RBFOX1: variants seen among roughly 807,000 people sequenced by gnomAD.
The protein encoded by RBFOX1 is RNA binding fox-1 homolog 1.
A neutral mutation model predicts 57.7 loss-of-function variants in RBFOX1; 8 were observed. The observed-to-expected ratio is 0.14, with a 90% CI of 0.08 to 0.25. The LOEUF is 0.25. Among genes scored for constraint, RBFOX1 ranks in the 10% least tolerant of loss-of-function variants. RBFOX1 has a pLI of 1.00. For synonymous variants in RBFOX1, 326 were observed against 222.4 expected (o/e 1.47, Z -4.15); for missense variants, 611 against 548.5 (o/e 1.11, Z -1.14).
intron 2 of RBFOX1, among the ~76,000 whole-genome samples, chr16:6,642,201 T>A (rs1014902248): frequency 6.6e-6 from 1 of 152,172 alleles, no homozygotes; most frequent in African/African-American, 2.4e-5. Flanking sequence ...CGGTGCTGTA[T>A]TTTTCAGCAC....
At chr16:5,364,439 A>G (rs570884100) in intron 1 of RBFOX1, among the ~76,000 whole-genome samples, 1 of 152,328 alleles carries the variant, frequency 6.6e-6, no homozygotes, top group East Asian at 1.9e-4. Context: ...TCCGGTTCCA[A>G]TTACAGGCTG....
At chr16:5,503,341 C>T (rs947511753) in intron 2 of RBFOX1, among the ~76,000 whole-genome samples, 3 of 152,262 alleles carry the variant, frequency 2.0e-5, no homozygotes, top group Non-Finnish European at 4.4e-5. Context: ...GAATCTCCCT[C>T]ACCCCTCTTC....
At position 6,956,416 on chromosome 16, in the gene RBFOX1, G is replaced by A. The variant is rs115613263; in HGVS notation, c.-15-95641G>A. ...AATGAGCAGGCTCCGCTGTCTTCCA[G>A]TGAATACTTGAATTTGTCAAGAGTA... On this transcript the variant is annotated intron_variant, in intron 3 of 15. Coordinates refer to ENST00000550418, the MANE Select transcript of RBFOX1 (RefSeq NM_018723.4). 6.6e-3 allele frequency among the ~76,000 whole-genome samples: 1,003 copies of A among 152,304 alleles called. 18 individuals are homozygous for A. The highest frequency in any genetic ancestry group is 0.023 in the African/African-American group (965 of 41,538).
intron 3 of RBFOX1, among the ~76,000 whole-genome samples, chr16:6,711,768 C>G (rs990836624): frequency 6.6e-6 from 1 of 152,254 alleles, no homozygotes; most frequent in Non-Finnish European, 1.5e-5. Context: ...TCACCACTCT[C>G]ATTCTAGACT....
chr16:5,518,161 C>A (rs543853811), intron 2 of RBFOX1, among the ~76,000 whole-genome samples: 4 of 152,242 alleles, frequency 2.6e-5, no homozygotes, highest in South Asian at 2.1e-4. Context: ...ACCTAAAAAA[C>A]CAATAAAATC....
intron 2 of RBFOX1, among the ~76,000 whole-genome samples, chr16:6,533,393 C>T (rs1459029067): frequency 6.6e-6 from 1 of 152,156 alleles, no homozygotes; most frequent in Non-Finnish European, 1.5e-5. Flanking sequence ...TAGAAACTCC[C>T]TGCTAAGGAT....
At chr16:6,373,397 G>A (rs114055383) in intron 2 of RBFOX1, among the ~76,000 whole-genome samples, 3,259 of 151,446 alleles carry the variant, frequency 0.022, 119 homozygotes, top group African/African-American at 0.072. Context: ...TCACTGGGTA[G>A]GAGCATTGTT....
At chr16:5,757,476 C>A (rs1237552263) in intron 3 of RBFOX1, among the ~76,000 whole-genome samples, 1 of 151,958 alleles carries the variant, frequency 6.6e-6, no homozygotes, top group Non-Finnish European at 1.5e-5. Flanking sequence ...GTGATCTGCC[C>A]TCCTCAGCCT....
intron 2 of RBFOX1, among the ~76,000 whole-genome samples, chr16:5,487,975 G>C (rs765727632): frequency 1.1e-4 from 17 of 152,074 alleles, no homozygotes; most frequent in Non-Finnish European, 2.2e-4. Flanking sequence ...TTATGGTGAA[G>C]ACGATGATGT....
Position 5,703,844 on chromosome 16 carries a change from C to G in RBFOX1, c.318+104883C>G, listed in dbSNP as rs565742993. Among the ~76,000 whole-genome samples the G allele has an allele frequency of 3.3e-5, 5 of 152,162 alleles. No homozygotes were observed. In the South Asian group the frequency reaches 8.3e-4, roughly 25 times the overall value. On this transcript the variant is annotated intron_variant, in intron 3 of 19. Transcript: ENST00000641259. ...ACCCATGATGTAGGGATATTATTAT[C>G]TACATGTTATAGATGATATGCAGTG...
At chr16:5,951,306 G>A (rs141774884) in intron 4 of RBFOX1, among the ~76,000 whole-genome samples, 2 of 151,924 alleles carry the variant, frequency 1.3e-5, no homozygotes, top group East Asian at 3.9e-4. Context: ...AAATTACCCG[G>A]GTGTGGTGGT....
At chr16:7,325,594 C>A (rs1314982062) in intron 4 of RBFOX1, among the ~76,000 whole-genome samples, 1 of 152,142 alleles carries the variant, frequency 6.6e-6, no homozygotes, top group Non-Finnish European at 1.5e-5. Context: ...CTTCTCTTCT[C>A]CGGGTGTCTT....
At chr16:6,841,253 C>T (rs935961506) in intron 3 of RBFOX1, among the ~76,000 whole-genome samples, 3 of 152,142 alleles carry the variant, frequency 2.0e-5, no homozygotes, top group African/African-American at 7.2e-5. Context: ...CCATTATACT[C>T]AGGTTCTTTT....
At chr16:6,231,027 C>T (rs2097455212) in intron 1 of RBFOX1, among the ~76,000 whole-genome samples, 1 of 151,944 alleles carries the variant, frequency 6.6e-6, no homozygotes, top group African/African-American at 2.4e-5. Flanking sequence ...ACTTGTGGTA[C>T]ATGTTAGGTA....
At chr16:5,544,223 A>C (rs566697057) in intron 2 of RBFOX1, among the ~76,000 whole-genome samples, 2 of 152,304 alleles carry the variant, frequency 1.3e-5, no homozygotes, top group South Asian at 2.1e-4. Flanking sequence ...AGGTCCTGCA[A>C]AGTAAGTTCT....
chr16:6,941,441 A>G (rs2153501806), intron 3 of RBFOX1, among the ~76,000 whole-genome samples: 1 of 151,942 alleles, frequency 6.6e-6, no homozygotes, highest in Admixed American at 6.6e-5. Context: ...AATTTAAAAT[A>G]AACACCAAAG....
At chr16:6,032,712 C>A (rs999355100) in intron 1 of RBFOX1, among the ~76,000 whole-genome samples, 1 of 152,006 alleles carries the variant, frequency 6.6e-6, no homozygotes, top group African/African-American at 2.4e-5. Flanking sequence ...AAAAACAACA[C>A]AAGTATATTC....
intron 3 of RBFOX1, among the ~76,000 whole-genome samples, chr16:6,912,219 G>C (rs1244694621): frequency 6.6e-6 from 1 of 152,134 alleles, no homozygotes; most frequent in Non-Finnish European, 1.5e-5. Context: ...CTCTAATGTG[G>C]AGTTTCTCAA....
chr16:5,461,661 T>C (rs1365628373), intron 1 of RBFOX1, among the ~76,000 whole-genome samples: 2 of 152,154 alleles, frequency 1.3e-5, no homozygotes, highest in Non-Finnish European at 1.5e-5. Context: ...ATCTCAAAAA[T>C]AGACCTGGTG....
Sources: gnomAD v4.1 joint callset for allele counts (sites outside exome capture counted in the v4.1 genomes callset) on GRCh38, gnomAD v4.1.1 for gene constraint, MANE v1.5 for transcripts, NCBI Gene and HGNC (gene_info 2026-07-23, HGNC 2026-07-21) for gene names.